SYNPO2: variants seen among roughly 807,000 people sequenced by gnomAD.
SYNPO2 encodes the protein synaptopodin-2.
In SYNPO2, 56 loss-of-function variants were observed where a neutral mutation model predicts 85.0. The observed-to-expected ratio is 0.66, with a 90% CI of 0.53 to 0.82. The LOEUF (loss-of-function observed/expected upper bound fraction) is 0.82. Among genes scored for constraint, SYNPO2 ranks in the 40% least tolerant of loss-of-function variants. The pLI is 0.00. For missense variants in SYNPO2, 1,575 were observed against 1,534.2 expected (o/e 1.03, Z -0.44); for synonymous variants, 602 against 591.1 (o/e 1.02, Z -0.27).
chr4:119,055,472 T>C (rs1262804218), intron 4 of SYNPO2, among the ~76,000 whole-genome samples: 1 of 152,228 alleles, frequency 6.6e-6, no homozygotes, highest in Admixed American at 6.5e-5. Flanking sequence ...TCTTCTGTAA[T>C]TGACTTAATT....
chr4:118,904,280 TCTAA>T (rs1041202678), intron 1 of SYNPO2, among the ~76,000 whole-genome samples: 3 of 152,176 alleles, frequency 2.0e-5, no homozygotes, highest in African/African-American at 4.8e-5. Flanking sequence ...TCTAATTTTA[TCTAA>T]CTAACTTTTA....
In SYNPO2 at chr4:119,033,653, G is replaced by C. The variant is rs1561012123; in HGVS notation, c.3252+1626G>C. The C allele has an allele frequency of 4.1e-6, 4 of 985,198 alleles. No homozygotes were observed. In the South Asian group the frequency reaches 1.9e-4, roughly 46 times the overall value. 61.0% of individuals were successfully genotyped at this position (985,198 alleles called of 1,614,324 possible). A position where few individuals can be genotyped will look rare whatever the true frequency, so the allele number is the denominator to read the frequency against. ...CCATTTTAATCTTCTGAAAATATCT[G>C]TATTCCTGCTCTTTTTCTGCTGTCA... is the stretch of plus-strand genomic sequence containing the variant. On this transcript the variant is annotated intron_variant, in intron 4 of 4. Transcript: ENST00000307142.
At chr4:118,944,837 C>T (rs1192238371) in intron 1 of SYNPO2, among the ~76,000 whole-genome samples, 2 of 152,070 alleles carry the variant, frequency 1.3e-5, no homozygotes, top group Admixed American at 6.6e-5. Context: ...TGGAGTTTAG[C>T]TGAAAGTTAA....
chr4:119,044,629 C>T (rs568879808), intron 4 of SYNPO2, among the ~76,000 whole-genome samples: 201 of 152,226 alleles, frequency 1.3e-3, no homozygotes, highest in African/African-American at 4.6e-3. Flanking sequence ...CTCCCAAGTT[C>T]AAGTGATTAA....
intron 1 of SYNPO2, among the ~76,000 whole-genome samples, chr4:118,937,190 G>A (rs773462571): frequency 1.3e-5 from 2 of 152,168 alleles, no homozygotes; most frequent in Non-Finnish European, 2.9e-5. Flanking sequence ...TTCCTCATAA[G>A]TTTTGCAAGG....
intron 4 of SYNPO2, among the ~76,000 whole-genome samples, chr4:119,049,351 GTA>G (rs1292820143): frequency 6.6e-6 from 1 of 152,156 alleles, no homozygotes; most frequent in Admixed American, 6.5e-5. Context: ...GTATGATAAA[GTA>G]TATGTTTGTG....
chr4:118,860,924 G>A (rs925008129), intron 1 of SYNPO2, among the ~76,000 whole-genome samples: 2 of 152,012 alleles, frequency 1.3e-5, no homozygotes, highest in Admixed American at 1.3e-4. Flanking sequence ...AACATATTCT[G>A]GTTATTAATC....
rs766758793 is a variant in SYNPO2, at chr4:119,057,337, T to G, written c.3253-64T>G. 4.1e-6 allele frequency: 6 copies of G among 1,465,638 alleles called. No individual in the cohort carries two copies. The South Asian group carries it at 5.7e-5, about 14-fold the overall frequency. The allele number at this position is 1,465,638 out of a possible 1,614,324, so 90.8% of individuals were successfully genotyped here. ...TGCTTGGTAATGGTGCTAGGAATAC[T>G]TTGGAGTAACAATCAGCACAAACCA... On this transcript the variant is annotated intron_variant, in intron 4 of 4. Transcript: ENST00000307142.
At chr4:119,007,215 GGTAT>G (rs1370272135) in intron 1 of SYNPO2, among the ~76,000 whole-genome samples, 22 of 30,766 alleles carry the variant, frequency 7.2e-4, no homozygotes, top group Admixed American at 2.0e-3. Flanking sequence ...AAAGAACAAA[GGTAT>G]ATATATATAT....
intron 1 of SYNPO2, among the ~76,000 whole-genome samples, chr4:118,874,841 T>C (rs1731873660): frequency 6.6e-6 from 1 of 152,106 alleles, no homozygotes; most frequent in Admixed American, 6.5e-5. Context: ...TACACAAAAT[T>C]CAGATACATG....
intron 1 of SYNPO2, among the ~76,000 whole-genome samples, chr4:119,022,087 G>A (rs1392254841): frequency 6.6e-6 from 1 of 152,044 alleles, no homozygotes; most frequent in Non-Finnish European, 1.5e-5. Flanking sequence ...TTTCAATGAA[G>A]CATTTCTCTC....
At chr4:118,919,399 T>C (rs930919945) in intron 1 of SYNPO2, among the ~76,000 whole-genome samples, 2 of 106,006 alleles carry the variant, frequency 1.9e-5, no homozygotes, top group African/African-American at 5.7e-5. Context: ...CATACCGAAG[T>C]AATTGACTGA....
At chr4:119,013,981 A>G (rs540315304) in intron 1 of SYNPO2, among the ~76,000 whole-genome samples, 1 of 152,358 alleles carries the variant, frequency 6.6e-6, no homozygotes, top group East Asian at 1.9e-4. Flanking sequence ...AAATTACCCT[A>G]TAAGACTATC....
chr4:118,934,072 G>T (rs1345667791), intron 1 of SYNPO2, among the ~76,000 whole-genome samples: 2 of 152,102 alleles, frequency 1.3e-5, no homozygotes, highest in Non-Finnish European at 2.9e-5. Context: ...TCTCTTGATT[G>T]CTGTGTAGAC....
chr4:118,858,749 G>A (rs998194594), intron 1 of SYNPO2, among the ~76,000 whole-genome samples: 2 of 152,172 alleles, frequency 1.3e-5, no homozygotes, highest in Admixed American at 6.5e-5. Context: ...AAAAAATCTA[G>A]AATGAGCAAA....
intron 1 of SYNPO2, among the ~76,000 whole-genome samples, chr4:118,915,616 G>T (rs966325537): frequency 6.6e-6 from 1 of 152,078 alleles, no homozygotes; most frequent in African/African-American, 2.4e-5. Context: ...GTTGCTCCAG[G>T]TTTTTGCTAT....
chr4:119,031,867 C>T lies in SYNPO2; in HGVS notation c.3092C>T (p.Thr1031Ile), dbSNP rs1472684970. Residue 1031 changes from threonine to isoleucine, a missense_variant, in exon 4 of 5, where the codon ACC (threonine) becomes ATC (isoleucine). By Grantham distance (89) the Thr-to-Ile change is moderately conservative (BLOSUM62 -1). This residue lies in a region of SYNPO2 where 1,508 missense variants were observed against 1,446.8 expected (regional missense o/e 1.04). Transcript: ENST00000307142. ...TCAGTGTACTCGGTACCAGCCTATA[C>T]CTCTCCTCCTTCCTTCTTTGCAGAG... The part of the protein sequence containing the change: ...ASSVYSVPAY[T>I]SPPSFFAEAS... 1.9e-6 allele frequency: 3 copies of T among 1,614,216 alleles called. No homozygotes were observed. The highest frequency in any genetic ancestry group is 1.3e-5 in the African/African-American group (1 of 75,058).
chr4:119,052,772 G>A (rs993495396), intron 4 of SYNPO2, among the ~76,000 whole-genome samples: 1 of 152,168 alleles, frequency 6.6e-6, no homozygotes, highest in African/African-American at 2.4e-5. Flanking sequence ...AAATAAAACT[G>A]GTTTGAGTAA....
intron 3 of SYNPO2, among the ~76,000 whole-genome samples, 164 bp from the exon 4 acceptor site, chr4:119,029,681 G>A (rs898740897): frequency 1.1e-4 from 17 of 152,080 alleles, no homozygotes; most frequent in African/African-American, 3.6e-4. Flanking sequence ...AACATGTTAA[G>A]AGAAATAAGA....
Sources: allele counts gnomAD v4.1 joint callset (sites outside exome capture counted in the v4.1 genomes callset), GRCh38; gene constraint gnomAD v4.1.1; regional missense constraint gnomAD v4.1.1; transcripts MANE v1.5; gene names NCBI Gene and HGNC (gene_info 2026-07-23, HGNC 2026-07-21).